DENND4C: variants seen among roughly 807,000 people sequenced by gnomAD.
The protein encoded by DENND4C is DENN domain-containing protein 4C.
A neutral mutation model predicts 203.0 loss-of-function variants in DENND4C; 108 were observed. That is an observed-to-expected ratio of 0.53 (90% CI 0.46 to 0.62). DENND4C has a LOEUF of 0.62. Among genes scored for constraint, DENND4C ranks in the 20% least tolerant of loss-of-function variants. DENND4C has a pLI of 0.00. For missense variants in DENND4C, 2,481 were observed against 2,301.2 expected (o/e 1.08, Z -1.60); for synonymous variants, 871 against 792.4 (o/e 1.10, Z -1.67).
chr9:19,315,432 G>T (rs949332633), intron 10 of DENND4C, among the ~76,000 whole-genome samples: 3 of 151,222 alleles, frequency 2.0e-5, no homozygotes, highest in African/African-American at 4.9e-5. Flanking sequence ...GCTAACTTTT[G>T]TAAGAAGAGG....
In DENND4C at chr9:19,272,104, A is replaced by ATT. The variant is rs572106547; in HGVS notation, c.-17-4045_-17-4044dup. Among the ~76,000 whole-genome samples, 22 of 149,616 alleles carry ATT rather than the reference A, an allele frequency of 1.5e-4. 2 individuals carry two copies. The highest frequency in any genetic ancestry group is 4.7e-4 in the Admixed American group (7 of 14,972). ...ATCATTACAGTGGAGAAAGGATAGT[A>ATT]TTTTTTTTTTCTTTTTAAATAAAAG... On this transcript the variant is annotated intron_variant, in intron 1 of 32. Transcript: ENST00000434457.
intron 15 of DENND4C, 100 bp from the exon 16 acceptor site, chr9:19,327,929 TG>T: frequency 9.0e-7 from 1 of 1,105,550 alleles, no homozygotes; most frequent in Non-Finnish European, 1.3e-6. Context: ...AAAATAATGT[TG>T]GATACTATTT....
At chr9:19,277,113 A>G (rs1306773520) in intron 2 of DENND4C, among the ~76,000 whole-genome samples, 1 of 152,080 alleles carries the variant, frequency 6.6e-6, no homozygotes, top group Non-Finnish European at 1.5e-5. Flanking sequence ...ACTTTACCAT[A>G]TATACATGTG....
chr9:19,247,768 G>T (rs1416489962), intron 1 of DENND4C, among the ~76,000 whole-genome samples: 1 of 151,996 alleles, frequency 6.6e-6, no homozygotes, highest in African/African-American at 2.4e-5. Context: ...AAGAATTATT[G>T]GTTTATTTCC....
rs774029753 is a variant in DENND4C at position 19,352,478 on chromosome 9, T to C, written c.4606-12T>C. The C allele has an allele frequency of 1.3e-6, 2 of 1,554,366 alleles. No homozygotes were observed. Among genetic ancestry groups the C allele is most frequent in the Admixed American group, 3.9e-5 (2 of 50,778 alleles). On this transcript the variant is annotated splice_polypyrimidine_tract_variant and intron_variant, in intron 25 of 32. Coordinates refer to ENST00000434457, the MANE Select transcript of DENND4C (RefSeq NM_001330640.2). ...TTAAACGTTCTCAGTGTCTGCATTT[T>C]TCTGTTTTTAGGTTTTGATGTCCAG...
intron 23 of DENND4C, among the ~76,000 whole-genome samples, chr9:19,348,311 G>T (rs1588966667): frequency 6.6e-6 from 1 of 152,186 alleles, no homozygotes; most frequent in Non-Finnish European, 1.5e-5. Context: ...TAGAGTCCAT[G>T]CTCTTACCTT....
Position 19,318,337 on chromosome 9 carries a change from AAAAT to A in DENND4C, c.1807+1514_1807+1517del, listed in dbSNP as rs200649553. Among the ~76,000 whole-genome samples, 46 of 152,248 alleles carry A rather than the reference AAAAT, an allele frequency of 3.0e-4. No homozygotes were observed. In the East Asian group the frequency reaches 5.4e-3, roughly 18 times the overall value. On this transcript the variant is annotated intron_variant, in intron 12 of 32. Coordinates refer to ENST00000434457, the MANE Select transcript of DENND4C (RefSeq NM_001330640.2). The stretch of plus-strand genomic sequence containing the variant: ...TCCATCTCAAAAAAATTAAAAAATA[AAAAT>A]AAATAAATAAATAAAGTTTTCTCAT...
At chr9:19,296,804 A>T (rs1837568559) in intron 6 of DENND4C, among the ~76,000 whole-genome samples, 1 of 152,204 alleles carries the variant, frequency 6.6e-6, no homozygotes. Context: ...TTATTCTCTA[A>T]TAACCAAGAG....
chr9:19,266,924 C>A (rs569805748), intron 1 of DENND4C, among the ~76,000 whole-genome samples: 8 of 152,260 alleles, frequency 5.3e-5, no homozygotes, highest in Admixed American at 2.6e-4. Context: ...TGGGCAAGGA[C>A]TTCATGACTA....
intron 1 of DENND4C, among the ~76,000 whole-genome samples, chr9:19,250,817 C>T (rs191581858): frequency 2.6e-4 from 39 of 152,354 alleles, no homozygotes; most frequent in Non-Finnish European, 4.0e-4. Flanking sequence ...GTCCAGGTCA[C>T]ACTGCTGCAA....
chr9:19,234,968 T>TC (rs1272797870), intron 1 of DENND4C, among the ~76,000 whole-genome samples: 1 of 151,954 alleles, frequency 6.6e-6, no homozygotes, highest in African/African-American at 2.4e-5. Context: ...TTTTTTTCTT[T>TC]CTTTTTTTAT....
At chr9:19,279,995 G>A (rs1297433094) in intron 2 of DENND4C, among the ~76,000 whole-genome samples, 2 of 145,208 alleles carry the variant, frequency 1.4e-5, no homozygotes, top group African/African-American at 5.1e-5. Flanking sequence ...CAGTGGAGAA[G>A]GAAGGGTAGG....
intron 30 of DENND4C, among the ~76,000 whole-genome samples, chr9:19,367,323 C>T (rs1210963970): frequency 6.6e-6 from 1 of 152,242 alleles, no homozygotes; most frequent in African/African-American, 2.4e-5. Flanking sequence ...CCATATGATA[C>T]AGCAGTTGCA....
At chr9:19,241,767 A>G (rs1002726016) in intron 1 of DENND4C, among the ~76,000 whole-genome samples, 4 of 152,036 alleles carry the variant, frequency 2.6e-5, no homozygotes, top group Non-Finnish European at 4.4e-5. Flanking sequence ...CCTGTAATCT[A>G]AGCACATTGG....
chr9:19,313,065 C>T (rs1841060582), intron 10 of DENND4C, among the ~76,000 whole-genome samples: 1 of 151,668 alleles, frequency 6.6e-6, no homozygotes, highest in African/African-American at 2.4e-5. Flanking sequence ...TCTTTTCTCT[C>T]TTTCAGATTG....
chr9:19,335,687 T>G (rs1820305252), intron 18 of DENND4C, among the ~76,000 whole-genome samples: 1 of 152,214 alleles, frequency 6.6e-6, no homozygotes. Flanking sequence ...TTACTGGGTT[T>G]CCTTTTTTAT....
At chr9:19,337,524 C>A in intron 20 of DENND4C, 1 of 825,628 alleles carries the variant, frequency 1.2e-6, no homozygotes, top group Non-Finnish European at 1.5e-6. Context: ...TTTCTCTGCT[C>A]TTTGTTGCTT....
intron 1 of DENND4C, among the ~76,000 whole-genome samples, chr9:19,249,778 C>G (rs1049737090): frequency 2.0e-5 from 3 of 152,130 alleles, no homozygotes; most frequent in Non-Finnish European, 4.4e-5. Flanking sequence ...TTGCCTCAGC[C>G]TCCTGTGTAG....
intron 1 of DENND4C, among the ~76,000 whole-genome samples, chr9:19,231,485 C>A (rs1356392530): frequency 6.6e-6 from 1 of 151,818 alleles, no homozygotes; most frequent in Non-Finnish European, 1.5e-5. Context: ...GAATGAAGTC[C>A]TAAGGCTGAC....
Sources: allele counts gnomAD v4.1 joint callset (sites outside exome capture counted in the v4.1 genomes callset), GRCh38; gene constraint gnomAD v4.1.1; transcripts MANE v1.5; gene names NCBI Gene and HGNC (gene_info 2026-07-23, HGNC 2026-07-21).